Variants in TTC39B observed in about 807,000 individuals in gnomAD.
TTC39B encodes the protein tetratricopeptide repeat domain 39B.
TTC39B carries 92 observed loss-of-function variants against 96.6 expected under a neutral mutation model. That is an observed-to-expected ratio of 0.95 (90% confidence interval 0.80 to 1.13). The LOEUF is 1.13. TTC39B is among the 50% of genes most tolerant of loss of function. The pLI, the probability that TTC39B is intolerant of heterozygous loss-of-function variation, is 0.00. For missense variants in TTC39B, 955 were observed against 809.3 expected (o/e 1.18, Z -2.18); for synonymous variants, 367 against 299.4 (o/e 1.23, Z -2.33).
intron 5 of TTC39B, among the ~76,000 whole-genome samples, chr9:15,210,987 C>T (rs1249978946): frequency 1.3e-5 from 2 of 152,126 alleles, no homozygotes; most frequent in Non-Finnish European, 2.9e-5. Context: ...GCATGCAGTA[C>T]CTAATGTCAT....
Position 15,192,588 on chromosome 9 carries a change from A to T in TTC39B, c.930+2T>A. On this transcript the variant is annotated splice_donor_variant, in intron 9 of 19. Coordinates refer to ENST00000512701, the Ensembl canonical transcript of TTC39B. LOFTEE classifies it high-confidence loss of function. Reference sequence around the variant, plus strand: ...CTGGTTTCTATACAGTGATTTCCTTACCAAATTAAAGGCCCCACTGCCAAG... The same window carrying T: ...CTGGTTTCTATACAGTGATTTCCTTTCCAAATTAAAGGCCCCACTGCCAAG... The T allele has an allele frequency of 6.2e-7, 1 of 1,611,592 alleles. No individual in the cohort carries two copies. The highest frequency in any genetic ancestry group is 1.1e-5 in the South Asian group (1 of 90,966).
intron 2 of TTC39B, among the ~76,000 whole-genome samples, chr9:15,259,995 G>A (rs1822888004): frequency 6.6e-6 from 1 of 152,118 alleles, no homozygotes; most frequent in South Asian, 2.1e-4. Flanking sequence ...CGATAAAAAT[G>A]TTTTGAAGTT....
At chr9:15,270,579 T>C (rs1403236226) in intron 1 of TTC39B, among the ~76,000 whole-genome samples, 3 of 148,902 alleles carry the variant, frequency 2.0e-5, no homozygotes, top group Non-Finnish European at 4.5e-5. Context: ...TATTTTCATC[T>C]AAACAAGAAG....
intron 1 of TTC39B, among the ~76,000 whole-genome samples, chr9:15,272,372 G>A (rs1483771021): frequency 6.6e-6 from 1 of 152,140 alleles, no homozygotes; most frequent in Non-Finnish European, 1.5e-5. Context: ...TGGGCTCACC[G>A]TGTGCCCTCC....
At chr9:15,172,178 T>A (rs1817697417) in intron 19 of TTC39B, 69 bp from the exon 20 acceptor site, 1 of 1,020,540 alleles carries the variant, frequency 9.8e-7, no homozygotes, top group Non-Finnish European at 1.5e-6. Flanking sequence ...CACTCTCCCA[T>A]TCCTCTCTCT....
exon 17 of TTC39B, chr9:15,182,383 T>C: frequency 6.2e-7 from 1 of 1,611,994 alleles, no homozygotes; most frequent in South Asian, 1.1e-5. Context: ...TTTTGCTCAC[T>C]ATTGAAAAAC....
chr9:15,193,423 A>C (rs1370256151), intron 8 of TTC39B, among the ~76,000 whole-genome samples: 1 of 152,268 alleles, frequency 6.6e-6, no homozygotes, highest in East Asian at 1.9e-4. Flanking sequence ...ATAAGGAATA[A>C]TGAGATATCA....
chr9:15,166,596 G>A (rs942218876), exon 20 of TTC39B: 2 of 152,110 alleles, frequency 1.3e-5, no homozygotes, highest in Non-Finnish European at 2.9e-5. Flanking sequence ...ATTCTGATGT[G>A]TCCTTTTCAT....
chr9:15,225,139 G>C (rs948337441), intron 3 of TTC39B, among the ~76,000 whole-genome samples: 3 of 151,838 alleles, frequency 2.0e-5, no homozygotes, highest in Non-Finnish European at 4.4e-5. Context: ...ATCTGGAAAG[G>C]AACAAAAATT....
At chr9:15,242,424 A>C (rs1564380917) in intron 2 of TTC39B, among the ~76,000 whole-genome samples, 1 of 152,144 alleles carries the variant, frequency 6.6e-6, no homozygotes, top group Non-Finnish European at 1.5e-5. Context: ...TCTACAAAAA[A>C]TACGAAAAAT....
rs1586880853 is a variant in TTC39B at position 15,210,886 on chromosome 9, A to G, written c.614+380T>C. The stretch of plus-strand genomic sequence containing the variant: ...CATTTTCACCAAACAAAAGTGTTCA[A>G]AAACAGGTCCTTCTTAAACAAATAA... On this transcript the variant is annotated intron_variant, in intron 5 of 19. Coordinates refer to ENST00000512701, the Ensembl canonical transcript of TTC39B. Among the ~76,000 whole-genome samples, 4 of 152,366 alleles carry G rather than the reference A, an allele frequency of 2.6e-5. No homozygotes were observed. The East Asian group carries it at 7.7e-4, about 29-fold the overall frequency.
At chr9:15,210,612 TG>T (rs1268448609) in intron 5 of TTC39B, among the ~76,000 whole-genome samples, 2 of 152,144 alleles carry the variant, frequency 1.3e-5, no homozygotes, top group South Asian at 2.1e-4. Flanking sequence ...CCTAGTCCTA[TG>T]GGGGGCACAT....
At position 15,175,145 on chromosome 9, in the gene TTC39B, C is replaced by T; in HGVS notation, c.1842-10G>A. On this transcript the variant is annotated splice_polypyrimidine_tract_variant and intron_variant, in intron 18 of 19. Transcript: ENST00000512701. The stretch of plus-strand genomic sequence containing the variant: ...CTTCAGTAGCTTTTCACTGAAAGAG[C>T]AGAGGAAAATCAAGTAAATCTTAAC... 6.4e-7 allele frequency: 1 copy of T among 1,567,582 alleles called. No individual in the cohort carries two copies. The highest frequency in any genetic ancestry group is 8.8e-7 in the Non-Finnish European group (1 of 1,139,272).
intron 2 of TTC39B, among the ~76,000 whole-genome samples, chr9:15,240,321 C>A (rs1333324251): frequency 1.3e-5 from 2 of 152,170 alleles, no homozygotes; most frequent in African/African-American, 4.8e-5. Context: ...AGGGCAAGCA[C>A]CAACAAAGGA....
chr9:15,170,321 A>G (rs908720932), exon 20 of TTC39B: 8 of 152,200 alleles, frequency 5.3e-5, no homozygotes, highest in African/African-American at 1.9e-4. Context: ...TAACCTGGGT[A>G]GCCTACTGTC....
intron 2 of TTC39B, among the ~76,000 whole-genome samples, chr9:15,232,617 A>G (rs747424166): frequency 3.3e-5 from 5 of 152,236 alleles, no homozygotes; most frequent in Non-Finnish European, 5.9e-5. Flanking sequence ...AAAACTCAAC[A>G]CAATGAAACC....
At chr9:15,256,307 C>G (rs1387693428) in intron 2 of TTC39B, among the ~76,000 whole-genome samples, 2 of 152,158 alleles carry the variant, frequency 1.3e-5, no homozygotes, top group South Asian at 2.1e-4. Flanking sequence ...CCACTTTACT[C>G]TTGGACCTTG....
intron 8 of TTC39B, 73 bp from the exon 9 acceptor site, chr9:15,192,768 A>G (rs1310845522): frequency 2.0e-6 from 2 of 992,822 alleles, no homozygotes; most frequent in Admixed American, 2.1e-5. Flanking sequence ...CAAATTTTAC[A>G]CTTATGTGCT....
intron 2 of TTC39B, among the ~76,000 whole-genome samples, chr9:15,265,846 A>G (rs544544338): frequency 3.3e-5 from 5 of 152,146 alleles, no homozygotes; most frequent in Non-Finnish European, 7.3e-5. Context: ...GGGGGGAAAA[A>G]CAGACCAATC....
Sources: gnomAD v4.1 joint callset for allele counts (sites outside exome capture counted in the v4.1 genomes callset) on GRCh38, gnomAD v4.1.1 for gene constraint, MANE v1.5 for transcripts, NCBI Gene and HGNC (gene_info 2026-07-23, HGNC 2026-07-21) for gene names.